FABP4: variants seen among roughly 807,000 people sequenced by gnomAD.
The protein encoded by FABP4 is fatty acid-binding protein, adipocyte.
In FABP4, 17 loss-of-function variants were observed where a neutral mutation model predicts 14.6. The ratio of observed to expected loss-of-function variants is 1.16; its 90% CI spans 0.80 to 1.74. The LOEUF (loss-of-function observed/expected upper bound fraction) is 1.74, where lower values mean the gene tolerates loss of function less well. Ranked by LOEUF, FABP4 falls within the 40% of genes most tolerant of loss-of-function variation. The pLI is 0.00. For missense variants in FABP4, 149 were observed against 160.3 expected, an observed-to-expected ratio of 0.93 and a Z score of 0.38; for synonymous variants, 54 against 54.6, an observed-to-expected ratio of 0.99 and a Z score of 0.05.
In FABP4 at chr8:81,479,533, T is replaced by C. The variant is rs761074213; in HGVS notation, c.247-18A>G. The C allele has an allele frequency of 1.3e-6, 2 of 1,596,814 alleles. No homozygotes were observed. The highest frequency in any genetic ancestry group is 1.1e-5 in the South Asian group (1 of 90,112). On this transcript the variant is annotated intron_variant, in intron 2 of 3. Coordinates refer to ENST00000256104, the MANE Select transcript of FABP4 (RefSeq NM_001442.3). ...ATGGTGCTCTGTAGGCATAAGAAAA[T>C]GTAATGACAATGTGCAGAGGGAGGC...
Position 81,478,727 on chromosome 8 carries a change from A to G in FABP4, c.*138T>C. The G allele has an allele frequency of 1.4e-6, 1 of 718,712 alleles. No individual in the cohort carries two copies. The highest frequency in any genetic ancestry group is 2.3e-6 in the Non-Finnish European group (1 of 434,494). The allele number at this position is 718,712 out of a possible 1,614,324, so 44.5% of individuals were successfully genotyped here. On this transcript the variant is annotated 3_prime_UTR_variant, in exon 4 of 4. Coordinates refer to ENST00000256104, the MANE Select transcript of FABP4 (RefSeq NM_001442.3). The stretch of plus-strand genomic sequence containing the variant: ...AAAAGTTTATTTAACCAACGTAACC[A>G]TATTGAATAAAATCAGCTTGGGAGA...
chr8:81,481,034 A>G (rs1164581738), intron 1 of FABP4, among the ~76,000 whole-genome samples: 1 of 152,194 alleles, frequency 6.6e-6, no homozygotes, highest in Non-Finnish European at 1.5e-5. Flanking sequence ...TCAATATTAC[A>G]TTTAAGAAGG....
rs1367803884 is a variant in FABP4, at chr8:81,479,418, A to G, written c.344T>C (p.Val115Ala). ...IKRKREDDKL[V>A]VECVMKGVTS... ...AAGTAGCTAGAAGATACTCACCACC[A>G]CCAGTTTATCATCCTCTCGTTTTCT... The change falls in exon 3 of 4, where the codon GTG (valine) becomes GCG (alanine). Residue 115 changes from valine to alanine, a missense_variant. Transcript: ENST00000256104. The G allele has an allele frequency of 2.5e-6, 4 of 1,611,970 alleles. No homozygotes were observed. In the South Asian group the frequency reaches 3.3e-5, roughly 13 times the overall value.
rs1808062821 is a variant in FABP4 at position 81,480,569 on chromosome 8, C to T, written c.103G>A (p.Gly35Ser). 6.2e-7 allele frequency: 1 copy of T among 1,611,684 alleles called. No individual in the cohort carries two copies. Among genetic ancestry groups the T allele is most frequent in the African/African-American group, 1.3e-5 (1 of 74,750 alleles). The change falls in exon 2 of 4, where the codon GGC (glycine) becomes AGC (serine). Residue 35 changes from glycine (G) to serine (S), a missense_variant. Gly to Ser is a moderately conservative substitution (Grantham distance 56). Coordinates refer to ENST00000256104, the MANE Select transcript of FABP4 (RefSeq NM_001442.3). ...ATGATCATGTTAGGTTTGGCCATGC[C>T]AGCCACTTTCCTGGTGGCAAAGCCC... ...GVGFATRKVA[G>S]MAKPNMIISV...
chr8:81,479,737 A>C lies in FABP4; in HGVS notation c.247-222T>G, dbSNP rs578257292. The C allele has an allele frequency of 2.0e-5, 7 of 351,684 alleles. No individual in the cohort carries two copies. The Admixed American group carries it at 2.3e-4, about 11-fold the overall frequency. The allele number at this position is 351,684 out of a possible 1,614,324, so 21.8% of individuals were successfully genotyped here. A position where few individuals can be genotyped will look rare whatever the true frequency, so the allele number is the denominator to read the frequency against. ...TACAAATTACATAATTGGAAAAATT[A>C]CTGTGAAGGAATATGAAAAAGAAAT... On this transcript the variant is annotated intron_variant, in intron 2 of 3. Transcript: ENST00000256104.
intron 1 of FABP4, among the ~76,000 whole-genome samples, chr8:81,482,686 A>C (rs979640041): frequency 1.3e-5 from 2 of 152,212 alleles, no homozygotes; most frequent in African/African-American, 4.8e-5. Context: ...AGGGAACTAG[A>C]GTGCTTTCAG....
At chr8:81,480,048 A>C (rs1808049089) in intron 2 of FABP4, 1 of 165,518 alleles carries the variant, frequency 6.0e-6, no homozygotes, top group Non-Finnish European at 1.3e-5. Flanking sequence ...TCTCTACAAA[A>C]AAATTAAGAA....
intron 1 of FABP4, among the ~76,000 whole-genome samples, chr8:81,480,827 A>G (rs1376744372): frequency 6.6e-6 from 1 of 152,080 alleles, no homozygotes; most frequent in South Asian, 2.1e-4. Flanking sequence ...CTGAGAAACA[A>G]TAGGTGTAGG....
chr8:81,482,851 TA>T (rs1808100812), intron 1 of FABP4, among the ~76,000 whole-genome samples: 2 of 152,074 alleles, frequency 1.3e-5, no homozygotes, highest in African/African-American at 4.8e-5. Context: ...CTAAAGACAA[TA>T]AACATTCCAT....
At chr8:81,482,952 G>C in intron 1 of FABP4, 143 bp downstream of exon 1, 1 of 510,066 alleles carries the variant, frequency 2.0e-6, no homozygotes, top group Non-Finnish European at 3.4e-6. Flanking sequence ...ATTATCACTT[G>C]CTATGTGTGC....
At chr8:81,479,000 A>C (rs1268070714) in intron 3 of FABP4, 85 bp from the exon 4 acceptor site, 1 of 1,143,314 alleles carries the variant, frequency 8.7e-7, no homozygotes, top group Non-Finnish European at 1.3e-6. Flanking sequence ...GGAATAAAAC[A>C]ATATTCATTC....
rs1808012972 is a variant in FABP4 at position 81,478,824 on chromosome 8, G to C, written c.*41C>G. ...ACAATATATCCCACAGAATGTTGTA[G>C]AGTTCAATGCGAACTTCAGTCCAGG... On this transcript the variant is annotated 3_prime_UTR_variant, in exon 4 of 4. Coordinates refer to ENST00000256104, the MANE Select transcript of FABP4 (RefSeq NM_001442.3). 1 of 1,560,776 alleles carries C rather than the reference G, an allele frequency of 6.4e-7. No homozygotes were observed. The highest frequency in any genetic ancestry group is 1.4e-5 in the African/African-American group (1 of 73,626).
rs756886921 is a variant in FABP4, at chr8:81,478,871, T to C, written c.393A>G (p.Arg131=). Residue 131 remains arginine (R), a synonymous_variant, in exon 4 of 4, where the codon AGA becomes AGG. Coordinates refer to ENST00000256104, the MANE Select transcript of FABP4 (RefSeq NM_001442.3). ...CAGGTCAACGTCCCTTGGCTTATGCTCTCTCATAAACTCTCGTGGAAGTGA... is the reference window on the plus strand; with the variant it reads ...CAGGTCAACGTCCCTTGGCTTATGCCCTCTCATAAACTCTCGTGGAAGTGA... The part of the protein sequence containing the change: ...KGVTSTRVYE[R]A The C allele has an allele frequency of 1.2e-6, 2 of 1,612,872 alleles. No individual in the cohort carries two copies. Among genetic ancestry groups the C allele is most frequent in the Non-Finnish European group, 1.7e-6 (2 of 1,179,166 alleles).
At chr8:81,480,930 T>C (rs1808070432) in intron 1 of FABP4, among the ~76,000 whole-genome samples, 1 of 152,100 alleles carries the variant, frequency 6.6e-6, no homozygotes, top group East Asian at 1.9e-4. Context: ...AAAGGTTAAG[T>C]GGTTGGGAAG....
chr8:81,478,818 G>T lies in FABP4; in HGVS notation c.*47C>A, dbSNP rs368458965. The T allele has an allele frequency of 6.6e-6, 10 of 1,517,578 alleles. No individual in the cohort carries two copies. Among genetic ancestry groups the T allele is most frequent in the African/African-American group, 1.4e-5 (1 of 72,590 alleles). The allele number at this position is 1,517,578 out of a possible 1,614,324, so 94.0% of individuals were successfully genotyped here. A position where few individuals can be genotyped will look rare whatever the true frequency, so the allele number is the denominator to read the frequency against. ...TTTTGAACAATATATCCCACAGAATGTTGTAGAGTTCAATGCGAACTTCAG... is the reference window on the plus strand; with the variant it reads ...TTTTGAACAATATATCCCACAGAATTTTGTAGAGTTCAATGCGAACTTCAG... On this transcript the variant is annotated 3_prime_UTR_variant, in exon 4 of 4. Transcript: ENST00000256104.
chr8:81,480,619 G>T (rs1481593219), intron 1 of FABP4, 21 bp from the exon 2 acceptor site: 3 of 1,594,394 alleles, frequency 1.9e-6, no homozygotes, highest in Non-Finnish European at 2.6e-6. Flanking sequence ...GAAAAGAAAA[G>T]ATGTCAGATT....
Position 81,479,434 on chromosome 8 carries a change from C to T in FABP4, c.328G>A (p.Glu110Lys). The change falls in exon 3 of 4, where the codon GAG (glutamate) becomes AAG (lysine). Residue 110 changes from glutamate to lysine, a missense_variant. Transcript: ENST00000256104. ...GKSTTIKRKREDDKLVVECVM... is the reference protein window; with the variant it reads ...GKSTTIKRKRKDDKLVVECVM... ...CTCACCACCACCAGTTTATCATCCTCTCGTTTTCTCTTTATGGTGGTTGAT... is the reference window on the plus strand; with the variant it reads ...CTCACCACCACCAGTTTATCATCCTTTCGTTTTCTCTTTATGGTGGTTGAT... 1.9e-6 allele frequency: 3 copies of T among 1,613,258 alleles called. No homozygotes were observed. The highest frequency in any genetic ancestry group is 2.5e-6 in the Non-Finnish European group (3 of 1,179,412).
chr8:81,483,048 A>C lies in FABP4; in HGVS notation c.73+47T>G, dbSNP rs372425566. ...AACACAGCTGTAAACTCTTTTTCCC[A>C]AAAGAAAATATTATAAATCCAGTCA... On this transcript the variant is annotated intron_variant, in intron 1 of 3. Coordinates refer to ENST00000256104, the MANE Select transcript of FABP4 (RefSeq NM_001442.3). 3 of 1,499,912 alleles carry C rather than the reference A, an allele frequency of 2.0e-6. No individual in the cohort carries two copies. In the Admixed American group the frequency reaches 5.6e-5, roughly 28 times the overall value. 92.9% of individuals were successfully genotyped at this position (1,499,912 alleles called of 1,614,324 possible). A position where few individuals can be genotyped will look rare whatever the true frequency, so the allele number is the denominator to read the frequency against.
At chr8:81,479,694 G>A (rs957347545) in intron 2 of FABP4, 179 bp from the exon 3 acceptor site, 5 of 502,202 alleles carry the variant, frequency 1.0e-5, no homozygotes, top group East Asian at 3.2e-5. Context: ...TTATGGATAC[G>A]TTATGTCCAG....
Sources: allele counts gnomAD v4.1 joint callset (sites outside exome capture counted in the v4.1 genomes callset), GRCh38; gene constraint gnomAD v4.1.1; transcripts MANE v1.5; gene names NCBI Gene and HGNC (gene_info 2026-07-23, HGNC 2026-07-21).